Variants in NAALADL2 observed in about 807,000 individuals in gnomAD.
NAALADL2 encodes inactive N-acetylated-alpha-linked acidic dipeptidase-like protein 2.
In NAALADL2, 76 loss-of-function variants were observed where a neutral mutation model predicts 87.2. The ratio of observed to expected loss-of-function variants is 0.87; its 90% CI spans 0.72 to 1.05. NAALADL2 has a LOEUF of 1.05. Ranked by LOEUF, NAALADL2 falls within the 50% of genes least tolerant of loss-of-function variation. NAALADL2 has a pLI of 0.00. For synonymous variants in NAALADL2, 354 were observed against 331.0 expected (o/e 1.07, Z -0.75); for missense variants, 1,089 against 945.8 (o/e 1.15, Z -1.99).
chr3:175,566,081 C>T (rs568247591), intron 9 of NAALADL2, among the ~76,000 whole-genome samples: 21 of 152,188 alleles, frequency 1.4e-4, no homozygotes, highest in African/African-American at 4.1e-4. Context: ...CCACCCACGT[C>T]GGCCTCCCAG....
At chr3:174,801,623 C>T (rs1430848793) in intron 3 of NAALADL2, among the ~76,000 whole-genome samples, 1 of 152,066 alleles carries the variant, frequency 6.6e-6, no homozygotes, top group Non-Finnish European at 1.5e-5. Context: ...TGATATTAGC[C>T]ATTTTATTCA....
intron 3 of NAALADL2, among the ~76,000 whole-genome samples, chr3:174,812,106 A>G (rs1720280426): frequency 6.6e-6 from 1 of 152,158 alleles, no homozygotes; most frequent in Non-Finnish European, 1.5e-5. Context: ...CCATGAGCCA[A>G]TTAATCATCT....
At chr3:174,452,019 T>C (rs542137693) in intron 1 of NAALADL2, among the ~76,000 whole-genome samples, 2 of 152,012 alleles carry the variant, frequency 1.3e-5, no homozygotes, top group East Asian at 3.9e-4. Context: ...ATTTTTTTTT[T>C]TAAACTAGAG....
chr3:174,706,384 AT>A (rs1730071449), intron 2 of NAALADL2, among the ~76,000 whole-genome samples: 1 of 152,204 alleles, frequency 6.6e-6, no homozygotes, highest in Admixed American at 6.5e-5. Context: ...AATCCTCATG[AT>A]TTTGGGATCT....
At chr3:175,607,648 C>A (rs972544349) in intron 10 of NAALADL2, among the ~76,000 whole-genome samples, 1 of 152,036 alleles carries the variant, frequency 6.6e-6, no homozygotes, top group Non-Finnish European at 1.5e-5. Context: ...CCGAGTAGTT[C>A]AAATTGGTTA....
chr3:174,700,579 CA>C (rs568183668), intron 2 of NAALADL2, among the ~76,000 whole-genome samples: 1 of 151,596 alleles, frequency 6.6e-6, no homozygotes, highest in Non-Finnish European at 1.5e-5. Flanking sequence ...TTTAGAAAAA[CA>C]AAAAAAATGT....
chr3:175,377,078 C>T (rs966470388), intron 5 of NAALADL2, among the ~76,000 whole-genome samples: 3 of 151,892 alleles, frequency 2.0e-5, no homozygotes, highest in Non-Finnish European at 4.4e-5. Flanking sequence ...TTTGGGAGAC[C>T]CAAGCAGGCA....
intron 1 of NAALADL2, among the ~76,000 whole-genome samples, chr3:174,471,474 T>C (rs1178402010): frequency 2.0e-5 from 3 of 152,130 alleles, no homozygotes; most frequent in African/African-American, 7.2e-5. Context: ...ATTAGAGTCT[T>C]GGGCAACTGT....
intron 2 of NAALADL2, among the ~76,000 whole-genome samples, chr3:175,222,448 A>T (rs1030728384): frequency 6.6e-6 from 1 of 152,124 alleles, no homozygotes; most frequent in Non-Finnish European, 1.5e-5. Flanking sequence ...TTACTGGAAA[A>T]CTTTAAATTC....
intron 10 of NAALADL2, among the ~76,000 whole-genome samples, chr3:175,602,286 G>A (rs535833582): frequency 2.6e-5 from 4 of 151,988 alleles, no homozygotes; most frequent in Non-Finnish European, 5.9e-5. Context: ...GTAATAGTTA[G>A]CATTAATTAG....
intron 2 of NAALADL2, among the ~76,000 whole-genome samples, chr3:174,724,105 A>G (rs532343694): frequency 5.3e-5 from 8 of 152,154 alleles, no homozygotes; most frequent in Non-Finnish European, 7.3e-5. Flanking sequence ...ATCCCTTGTG[A>G]CACTAATGCT....
intron 5 of NAALADL2, among the ~76,000 whole-genome samples, chr3:175,428,715 A>G (rs1717238340): frequency 6.6e-6 from 1 of 152,024 alleles, no homozygotes; most frequent in African/African-American, 2.4e-5. Flanking sequence ...CACTGGGACA[A>G]CTATAGCTGC....
At chr3:174,927,347 A>G (rs1302206665) in intron 1 of NAALADL2, among the ~76,000 whole-genome samples, 2 of 152,208 alleles carry the variant, frequency 1.3e-5, no homozygotes, top group Non-Finnish European at 2.9e-5. Flanking sequence ...TCAGCTCTGC[A>G]CCAAGCAGAC....
chr3:174,910,051 G>A (rs1733495298), intron 1 of NAALADL2, among the ~76,000 whole-genome samples: 1 of 151,960 alleles, frequency 6.6e-6, no homozygotes, highest in East Asian at 1.9e-4. Context: ...CAATACTGTA[G>A]CACAAATAAA....
intron 5 of NAALADL2, among the ~76,000 whole-genome samples, chr3:175,345,038 C>T (rs1762981326): frequency 6.6e-6 from 1 of 151,734 alleles, no homozygotes; most frequent in African/African-American, 2.4e-5. Context: ...AGATTGAATT[C>T]AAGTGTTTTG....
At chr3:174,441,946 A>G (rs549502594) in intron 1 of NAALADL2, among the ~76,000 whole-genome samples, 2 of 152,078 alleles carry the variant, frequency 1.3e-5, no homozygotes, top group Non-Finnish European at 2.9e-5. Context: ...TGTTGCAGTT[A>G]TCCCTGCGGA....
At chr3:174,853,475 C>A (rs1034029712) in intron 3 of NAALADL2, among the ~76,000 whole-genome samples, 2 of 151,074 alleles carry the variant, frequency 1.3e-5, no homozygotes, top group Non-Finnish European at 2.9e-5. Flanking sequence ...TGGGCCTGGG[C>A]AAAGTTTTCA....
At chr3:175,573,144 A>C (rs1718338994) in intron 9 of NAALADL2, among the ~76,000 whole-genome samples, 1 of 152,212 alleles carries the variant, frequency 6.6e-6, no homozygotes, top group African/African-American at 2.4e-5. Context: ...TTTGACCATG[A>C]CATTTTTCTG....
At chr3:174,748,296 C>T (rs1489757842) in intron 3 of NAALADL2, among the ~76,000 whole-genome samples, 2 of 151,012 alleles carry the variant, frequency 1.3e-5, no homozygotes, top group Non-Finnish European at 2.9e-5. Context: ...ATGTCCTGCA[C>T]ATGTATGCTA....
Sources: gnomAD v4.1 joint callset for allele counts (sites outside exome capture counted in the v4.1 genomes callset) on GRCh38, gnomAD v4.1.1 for gene constraint, MANE v1.5 for transcripts, NCBI Gene and HGNC (gene_info 2026-07-23, HGNC 2026-07-21) for gene names.